Variants in GABBR2 observed in about 807,000 individuals in gnomAD.
GABBR2 encodes the protein gamma-aminobutyric acid type B receptor subunit 2.
A neutral mutation model predicts 105.6 loss-of-function variants in GABBR2; 23 were observed. That is an observed-to-expected ratio of 0.22 (90% CI 0.16 to 0.31). GABBR2 has a LOEUF of 0.31. Among genes scored for constraint, GABBR2 ranks in the 10% least tolerant of loss-of-function variants. GABBR2 has a pLI of 1.00. For synonymous variants in GABBR2, 478 were observed against 499.7 expected (o/e 0.96, Z 0.58); for missense variants, 734 against 1,245.5 (o/e 0.59, Z 6.18).
intron 1 of GABBR2, among the ~76,000 whole-genome samples, chr9:98,673,222 G>A (rs12338804): frequency 0.099 from 14,992 of 152,138 alleles, 1,266 homozygotes; most frequent in African/African-American, 0.23. Context: ...AAGAAGACCC[G>A]GTGCATATAG....
At chr9:98,325,071 C>T (rs1830897689) in intron 13 of GABBR2, among the ~76,000 whole-genome samples, 2 of 152,122 alleles carry the variant, frequency 1.3e-5, no homozygotes, top group East Asian at 3.9e-4. Context: ...ACAGTCTCTG[C>T]CAACGGCCCA....
intron 15 of GABBR2, among the ~76,000 whole-genome samples, chr9:98,305,229 C>T (rs1357776625): frequency 6.6e-6 from 1 of 152,200 alleles, no homozygotes; most frequent in Non-Finnish European, 1.5e-5. Flanking sequence ...TCCTAAAGGT[C>T]AGCCCTTCAA....
At chr9:98,555,755 T>G (rs1187352931) in intron 2 of GABBR2, 1 of 152,308 alleles carries the variant, frequency 6.6e-6, no homozygotes, top group Non-Finnish European at 1.5e-5. Flanking sequence ...GGGCCCCAGC[T>G]CGAGTCTTTG....
chr9:98,415,742 A>C (rs1832679826), intron 7 of GABBR2, among the ~76,000 whole-genome samples: 1 of 152,204 alleles, frequency 6.6e-6, no homozygotes, highest in Non-Finnish European at 1.5e-5. Context: ...AGATGAGGAA[A>C]CTGGAAACTG....
chr9:98,689,856 T>C (rs890776457), intron 1 of GABBR2, among the ~76,000 whole-genome samples: 1 of 152,238 alleles, frequency 6.6e-6, no homozygotes, highest in Non-Finnish European at 1.5e-5. Context: ...TGTTTTTTCA[T>C]GTGGGCCTTA....
intron 13 of GABBR2, among the ~76,000 whole-genome samples, chr9:98,322,468 T>C (rs757131840): frequency 5.3e-5 from 8 of 151,958 alleles, no homozygotes; most frequent in Admixed American, 3.3e-4. Context: ...TCCCAACCCA[T>C]TCCTCCTCTA....
intron 2 of GABBR2, among the ~76,000 whole-genome samples, chr9:98,569,183 T>C (rs1056022182): frequency 2.0e-5 from 3 of 152,188 alleles, no homozygotes; most frequent in Admixed American, 1.3e-4. Context: ...CTCATCGTAC[T>C]GCTACTTCCA....
At chr9:98,441,322 T>C (rs563097932) in intron 7 of GABBR2, among the ~76,000 whole-genome samples, 29 of 152,190 alleles carry the variant, frequency 1.9e-4, no homozygotes, top group African/African-American at 6.7e-4. Context: ...CCATAATAAA[T>C]AACCCATTTA....
intron 3 of GABBR2, among the ~76,000 whole-genome samples, chr9:98,505,025 G>A (rs1052426394): frequency 1.3e-5 from 2 of 152,250 alleles, no homozygotes; most frequent in Non-Finnish European, 2.9e-5. Context: ...CACCCCCGTG[G>A]TGCTGGAGCA....
chr9:98,296,568 G>T (rs772600156), intron 17 of GABBR2, among the ~76,000 whole-genome samples: 1 of 152,074 alleles, frequency 6.6e-6, no homozygotes, highest in Non-Finnish European at 1.5e-5. Flanking sequence ...TCTGATCTTC[G>T]CCAGTCTTTG....
chr9:98,455,507 T>C (rs1216292573), intron 6 of GABBR2, among the ~76,000 whole-genome samples: 1 of 152,198 alleles, frequency 6.6e-6, no homozygotes, highest in Non-Finnish European at 1.5e-5. Context: ...GTCTATAGCC[T>C]GAGGCACAGA....
chr9:98,449,869 A>G (rs1826202789), intron 7 of GABBR2, among the ~76,000 whole-genome samples: 1 of 152,146 alleles, frequency 6.6e-6, no homozygotes, highest in South Asian at 2.1e-4. Context: ...CGGCACCCCC[A>G]AGTCATCAGA....
chr9:98,337,944 C>T (rs577629758), intron 13 of GABBR2, among the ~76,000 whole-genome samples: 143 of 152,094 alleles, frequency 9.4e-4, no homozygotes, highest in Admixed American at 1.7e-3. Context: ...ATTGCTTGAA[C>T]CTGGGAGGAG....
At chr9:98,583,485 A>G (rs1399414045) in intron 1 of GABBR2, among the ~76,000 whole-genome samples, 11 of 152,218 alleles carry the variant, frequency 7.2e-5, no homozygotes, top group Admixed American at 7.2e-4. Flanking sequence ...TCCACAGAAC[A>G]CTTAATTTTA....
At chr9:98,471,700 T>C (rs1826686369) in intron 6 of GABBR2, among the ~76,000 whole-genome samples, 1 of 152,244 alleles carries the variant, frequency 6.6e-6, no homozygotes. Flanking sequence ...ATTTAGTTAC[T>C]GTACCATCTG....
At chr9:98,368,767 C>T (rs1831726883) in intron 12 of GABBR2, among the ~76,000 whole-genome samples, 1 of 152,198 alleles carries the variant, frequency 6.6e-6, no homozygotes. Flanking sequence ...AAGAGCAGAA[C>T]AGCTCTTAAA....
At chr9:98,433,656 A>T (rs1469416184) in intron 7 of GABBR2, among the ~76,000 whole-genome samples, 1 of 152,218 alleles carries the variant, frequency 6.6e-6, no homozygotes, top group African/African-American at 2.4e-5. Context: ...GTGGGACAGG[A>T]CATGTTCAAG....
In GABBR2 at chr9:98,628,400, G is replaced by A. The variant is rs374139376; in HGVS notation, c.322-50328C>T. Among the ~76,000 whole-genome samples the A allele has an allele frequency of 3.0e-4, 45 of 152,266 alleles. 1 individual carries two copies. Among genetic ancestry groups the A allele is most frequent in the African/African-American group, 8.4e-4 (35 of 41,548 alleles). On this transcript the variant is annotated intron_variant, in intron 1 of 18. Transcript: ENST00000259455. ...TCTAAGCAGCTTGCTGGCTACAAAC[G>A]TCCCCTGAATTTCACTTTCTGAAGT...
chr9:98,598,030 C>T (rs946243046), intron 1 of GABBR2, among the ~76,000 whole-genome samples: 1 of 151,998 alleles, frequency 6.6e-6, no homozygotes, highest in African/African-American at 2.4e-5. Flanking sequence ...ACCATGTTGC[C>T]CAGGCTGGTC....
Sources: gnomAD v4.1 joint callset for allele counts (sites outside exome capture counted in the v4.1 genomes callset) on GRCh38, gnomAD v4.1.1 for gene constraint, MANE v1.5 for transcripts, NCBI Gene and HGNC (gene_info 2026-07-23, HGNC 2026-07-21) for gene names.